The following RUNX2 variants were observed in gnomAD, a reference collection of about 807,000 sequenced individuals.
The protein encoded by RUNX2 is runt-related transcription factor 2.
RUNX2 carries 10 observed loss-of-function variants against 51.7 expected under a neutral mutation model. The ratio of observed to expected loss-of-function variants is 0.19; its 90% CI spans 0.12 to 0.33. The LOEUF (loss-of-function observed/expected upper bound fraction) is 0.33, where lower values mean the gene tolerates loss of function less well. RUNX2 is among the 10% of genes least tolerant of loss of function. The pLI is 1.00. For missense variants in RUNX2, 562 were observed against 691.3 expected, an observed-to-expected ratio of 0.81 and a Z score of 2.10; for synonymous variants, 276 against 273.6, an observed-to-expected ratio of 1.01 and a Z score of -0.09.
chr6:45,539,053 G>T (rs773600910), intron 7 of RUNX2, among the ~76,000 whole-genome samples: 15 of 151,796 alleles, frequency 9.9e-5, no homozygotes, highest in African/African-American at 3.6e-4. Context: ...TCTTTGGCTC[G>T]TTCCTTCCCT....
At chr6:45,428,909 C>G (rs1439220419) in intron 3 of RUNX2, among the ~76,000 whole-genome samples, 1 of 146,938 alleles carries the variant, frequency 6.8e-6, no homozygotes, top group African/African-American at 2.5e-5. Context: ...CTGTATCTCT[C>G]AACAACATCA....
rs1247955909 is a variant in RUNX2 at position 45,545,272 on chromosome 6, G to A, written c.1077G>A (p.Lys359=). Residue 359 remains lysine (K), a synonymous_variant, in exon 8 of 9, where the codon AAG becomes AAA. Coordinates refer to ENST00000647337, the MANE Select transcript of RUNX2 (RefSeq NM_001024630.4). Reference sequence around the variant, plus strand: ...TCTGGCCTTCCACTCTCAGTAAGAAGAGCCAGGCAGGTGAGACTTTTAACA... The same window carrying A: ...TCTGGCCTTCCACTCTCAGTAAGAAAAGCCAGGCAGGTGAGACTTTTAACA... ...FCLWPSTLSK[K]SQAGASELGP... is the part of the protein sequence containing the mutation. 5.2e-6 allele frequency: 8 copies of A among 1,550,384 alleles called. No individual in the cohort carries two copies. The South Asian group carries it at 9.5e-5, about 18-fold the overall frequency.
chr6:45,422,792 GGCAGCT>G lies in RUNX2; in HGVS notation c.263_268del (p.Ala88_Ala89del). 6.7e-7 allele frequency: 1 copy of G among 1,498,470 alleles called. No individual in the cohort carries two copies. The highest frequency in any genetic ancestry group is 8.8e-7 in the Non-Finnish European group (1 of 1,131,208). 92.8% of individuals were successfully genotyped at this position (1,498,470 alleles called of 1,614,324 possible). A position where few individuals can be genotyped will look rare whatever the true frequency, so the allele number is the denominator to read the frequency against. On this transcript the variant is annotated inframe_deletion, in exon 3 of 9. Transcript: ENST00000647337. ...CGGCGGCGGCGGCGGCTGCGGCGGC[GGCAGCT>G]GCAGTGCCCCGGTTGCGGCCGCCCC...
At chr6:45,410,275 G>A (rs753805974) in intron 2 of RUNX2, among the ~76,000 whole-genome samples, 1 of 152,176 alleles carries the variant, frequency 6.6e-6, no homozygotes, top group Non-Finnish European at 1.5e-5. Context: ...AGGGAGACAC[G>A]TTAGGAGTCC....
At chr6:45,425,457 C>G (rs114201227) in intron 3 of RUNX2, among the ~76,000 whole-genome samples, 1 of 152,038 alleles carries the variant, frequency 6.6e-6, no homozygotes, top group African/African-American at 2.4e-5. Context: ...GTAAACAGAC[C>G]GTAGGTAACA....
rs1375231506 is a variant in RUNX2, at chr6:45,450,095, G to C, written c.685+12044G>C. Among the ~76,000 whole-genome samples the C allele has an allele frequency of 2.0e-5, 3 of 152,192 alleles. No homozygotes were observed. In the East Asian group the frequency reaches 5.8e-4, roughly 29 times the overall value. ...GAAAATGATGGAATGCTACAGAATG[G>C]CATGACCACATTGAAGCTCAAAGGA... On this transcript the variant is annotated intron_variant, in intron 5 of 8. Transcript: ENST00000647337.
intron 2 of RUNX2, among the ~76,000 whole-genome samples, chr6:45,379,906 A>G (rs560190821): frequency 6.6e-6 from 1 of 152,186 alleles, no homozygotes; most frequent in South Asian, 2.1e-4. Context: ...AGTTAATGAG[A>G]GTGACACATG....
In RUNX2 at chr6:45,498,057, T is replaced by A. The variant is rs1031681800; in HGVS notation, c.859+5943T>A. 2.0e-5 allele frequency among the ~76,000 whole-genome samples: 3 copies of A among 152,120 alleles called. No homozygotes were observed. In the South Asian group the frequency reaches 6.2e-4, roughly 31 times the overall value. Reference sequence around the variant, plus strand: ...ACTGATGGTAGACAGGTGGAATAACTCACCCAAGGTCCCACTTACTACTAG... The same window carrying A: ...ACTGATGGTAGACAGGTGGAATAACACACCCAAGGTCCCACTTACTACTAG... On this transcript the variant is annotated intron_variant, in intron 6 of 8. Transcript: ENST00000647337.
chr6:45,451,688 C>G (rs1799175486), intron 5 of RUNX2, among the ~76,000 whole-genome samples: 1 of 152,134 alleles, frequency 6.6e-6, no homozygotes, highest in Admixed American at 6.6e-5. Context: ...GAATAGGTTT[C>G]AAATGAATTA....
rs528542506 is a variant in RUNX2 at position 45,537,876 on chromosome 6, T to C, written c.1022-7341T>C. On this transcript the variant is annotated intron_variant, in intron 7 of 8. Transcript: ENST00000647337. ...AAGGGCTCCTTCACTATCCCTGCTC[T>C]CCCTGATCTGCTGGCATAACCCAAA... Among the ~76,000 whole-genome samples the C allele has an allele frequency of 2.6e-5, 4 of 152,268 alleles. No homozygotes were observed. The East Asian group carries it at 7.7e-4, about 29-fold the overall frequency.
In RUNX2 at chr6:45,454,239, C is replaced by T. The variant is rs77593756; in HGVS notation, c.685+16188C>T. ...CTCATTCTTGCTGAGGGTCAACCCA[C>T]TGTCAGATATAGGTGGAGAAGCCCT... is the stretch of plus-strand genomic sequence containing the variant. On this transcript the variant is annotated intron_variant, in intron 5 of 8. Coordinates refer to ENST00000647337, the MANE Select transcript of RUNX2 (RefSeq NM_001024630.4). Among the ~76,000 whole-genome samples the T allele has an allele frequency of 3.6e-3, 543 of 152,338 alleles. 14 individuals carry two copies. The highest frequency in any genetic ancestry group is 0.019 in the East Asian group (96 of 5,186).
intron 5 of RUNX2, among the ~76,000 whole-genome samples, chr6:45,446,128 C>G (rs113157400): frequency 1.3e-5 from 2 of 152,212 alleles, no homozygotes; most frequent in East Asian, 3.8e-4. Flanking sequence ...ATGGCATTAA[C>G]ATCCTTTCAT....
At chr6:45,334,175 T>C (rs911410652) in intron 2 of RUNX2, among the ~76,000 whole-genome samples, 5 of 151,160 alleles carry the variant, frequency 3.3e-5, no homozygotes, top group Admixed American at 6.6e-5. Context: ...TATCTAAATA[T>C]CCTATGTAAG....
At chr6:45,497,530 C>T (rs948591346) in intron 6 of RUNX2, among the ~76,000 whole-genome samples, 1 of 152,130 alleles carries the variant, frequency 6.6e-6, no homozygotes, top group Non-Finnish European at 1.5e-5. Context: ...CCTAGACACT[C>T]TTCCTTGTCT....
chr6:45,539,083 C>T (rs1802137284), intron 7 of RUNX2, among the ~76,000 whole-genome samples: 1 of 152,142 alleles, frequency 6.6e-6, no homozygotes, highest in Non-Finnish European at 1.5e-5. Flanking sequence ...TCCCTGTATG[C>T]ATACACACTC....
At position 45,437,977 on chromosome 6, in the gene RUNX2, T is replaced by A; in HGVS notation, c.611T>A (p.Phe204Tyr). The A allele has an allele frequency of 1.2e-6, 2 of 1,613,522 alleles. No homozygotes were observed. The highest frequency in any genetic ancestry group is 1.7e-6 in the Non-Finnish European group (2 of 1,179,536). Residue 204 changes from phenylalanine (F) to tyrosine (Y), a missense_variant, in exon 5 of 9, where the codon TTC becomes TAC. Coordinates refer to ENST00000647337, the MANE Select transcript of RUNX2 (RefSeq NM_001024630.4). ...GKSFTLTITV[F>Y]TNPPQVATYH... is the part of the protein sequence containing the mutation. Reference sequence around the variant, plus strand: ...AGTTTCACCTTGACCATAACCGTCTTCACAAATCCTCCCCAAGTAGCTACC... The same window carrying A: ...AGTTTCACCTTGACCATAACCGTCTACACAAATCCTCCCCAAGTAGCTACC...
chr6:45,437,600 G>T (rs1798720017), intron 4 of RUNX2, among the ~76,000 whole-genome samples: 1 of 152,148 alleles, frequency 6.6e-6, no homozygotes, highest in Non-Finnish European at 1.5e-5. Flanking sequence ...GTCTGTGCTT[G>T]GATGTGTTCC....
At chr6:45,335,719 AAAT>A (rs1407359044) in intron 2 of RUNX2, among the ~76,000 whole-genome samples, 1 of 151,230 alleles carries the variant, frequency 6.6e-6, no homozygotes, top group Non-Finnish European at 1.5e-5. Context: ...CCCAATTCAA[AAAT>A]ATTAAGACAC....
intron 6 of RUNX2, among the ~76,000 whole-genome samples, chr6:45,493,246 C>T (rs1800542084): frequency 6.6e-6 from 1 of 152,044 alleles, no homozygotes. Flanking sequence ...TTATAAAAAT[C>T]AAACATCTAA....
Sources: allele counts gnomAD v4.1 joint callset (sites outside exome capture counted in the v4.1 genomes callset), GRCh38; gene constraint gnomAD v4.1.1; transcripts MANE v1.5; gene names NCBI Gene and HGNC (gene_info 2026-07-23, HGNC 2026-07-21).